Variants in PSG4 observed in about 807,000 individuals in gnomAD.
The protein encoded by PSG4 is pregnancy-specific beta-1-glycoprotein 4.
PSG4 carries 61 observed loss-of-function variants against 44.3 expected under a neutral mutation model. That is an observed-to-expected ratio of 1.38 (90% confidence interval 1.12 to 1.70). PSG4 has a LOEUF of 1.70. PSG4 is among the 40% of genes most tolerant of loss of function. The pLI, the probability that PSG4 is intolerant of heterozygous loss-of-function variation, is 0.00. For missense variants in PSG4, 677 were observed against 511.7 expected, an observed-to-expected ratio of 1.32 and a Z score of -3.12; for synonymous variants, 248 against 191.3, an observed-to-expected ratio of 1.30 and a Z score of -2.45.
In PSG4 at chr19:43,203,940, T is replaced by C. The variant is rs1217538495; in HGVS notation, c.376A>G (p.Lys126Glu). ...ACTCCTCCAGTCCCATCGCGTCGCTTTATGATGTGTAAGGTGTAGGATCCT... is the reference window on the plus strand; with the variant it reads ...ACTCCTCCAGTCCCATCGCGTCGCTCTATGATGTGTAAGGTGTAGGATCCT... ...DAGSYTLHII[K>E]RRDGTGGVTG... The change falls in exon 2 of 6, where the codon AAG (lysine) becomes GAG (glutamate). Residue 126 changes from lysine to glutamate, a missense_variant. Coordinates refer to ENST00000405312, the MANE Select transcript of PSG4 (RefSeq NM_002780.5). 1.3e-6 allele frequency: 2 copies of C among 1,586,620 alleles called. No individual in the cohort carries two copies. The highest frequency in any genetic ancestry group is 8.5e-7 in the Non-Finnish European group (1 of 1,171,314).
rs765482477 is a variant in PSG4, at chr19:43,197,977, G to A, written c.709+20C>T. 2 of 1,587,662 alleles carry A rather than the reference G, an allele frequency of 1.3e-6. No individual in the cohort carries two copies. The highest frequency in any genetic ancestry group is 2.9e-5 in the African/African-American group (2 of 69,580). ...ATTTGGGATGGCAGCCTGGCTCACA[G>A]AGGAACAGAGGATACTCACGGAGGA... is the stretch of plus-strand genomic sequence containing the variant. On this transcript the variant is annotated intron_variant, in intron 3 of 5. Transcript: ENST00000405312.
intron 2 of PSG4, among the ~76,000 whole-genome samples, chr19:43,199,174 C>A (rs1465408175): frequency 6.9e-6 from 1 of 145,826 alleles, no homozygotes; most frequent in Non-Finnish European, 1.5e-5. Flanking sequence ...GGATATTAGA[C>A]CAATATTTGG....
At position 43,197,781 on chromosome 19, in the gene PSG4, A is replaced by C. The variant is rs369139097; in HGVS notation, c.709+216T>G. The C allele has an allele frequency of 3.2e-5, 32 of 988,454 alleles. 1 individual carries two copies. Among genetic ancestry groups the C allele is most frequent in the Middle Eastern group, 3.3e-4 (1 of 3,006 alleles). The allele number at this position is 988,454 out of a possible 1,614,324, so 61.2% of individuals were successfully genotyped here. A position where few individuals can be genotyped will look rare whatever the true frequency, so the allele number is the denominator to read the frequency against. On this transcript the variant is annotated intron_variant, in intron 3 of 5. Transcript: ENST00000405312. ...TGTTTCTCCCATCACAAGCTGTGGA[A>C]CCTGAGTCTCCCATGACAGGAGCAG...
chr19:43,194,700 A>T (rs1037382410), intron 4 of PSG4, 106 bp from the exon 5 acceptor site: 2 of 1,494,254 alleles, frequency 1.3e-6, no homozygotes, highest in Admixed American at 2.2e-5. Flanking sequence ...CACACCTTCA[A>T]GTCCCAGCCA....
intron 3 of PSG4, among the ~76,000 whole-genome samples, chr19:43,196,149 G>A (rs774316740): frequency 1.3e-5 from 2 of 151,852 alleles, no homozygotes; most frequent in Non-Finnish European, 1.5e-5. Flanking sequence ...GGTCCTCATG[G>A]ACCATGTGTG....
Position 43,194,831 on chromosome 19 carries a change from G to T in PSG4, c.988+164C>A, listed in dbSNP as rs530057960. 54 of 1,470,530 alleles carry T rather than the reference G, an allele frequency of 3.7e-5. 1 individual carries two copies. In the African/African-American group the frequency reaches 7.1e-4, roughly 19 times the overall value. 91.1% of individuals were successfully genotyped at this position (1,470,530 alleles called of 1,614,324 possible). On this transcript the variant is annotated intron_variant, in intron 4 of 5. Transcript: ENST00000405312. ...CCCTCCCCTTATATTCTTGGTTAAG[G>T]CTGTGCCTACCTAGGTTTTCCCAGG...
chr19:43,205,208 C>T (rs1263320877), intron 1 of PSG4, among the ~76,000 whole-genome samples: 4 of 134,438 alleles, frequency 3.0e-5, no homozygotes, highest in African/African-American at 1.2e-4. Context: ...CGTGGGTGCA[C>T]GTGATTCTCC....
At chr19:43,199,283 A>T (rs1967399758) in intron 2 of PSG4, among the ~76,000 whole-genome samples, 1 of 144,874 alleles carries the variant, frequency 6.9e-6, no homozygotes, top group Admixed American at 6.9e-5. Context: ...TCCAGAGTGA[A>T]TCAGAGAGTA....
intron 3 of PSG4, chr19:43,197,603 C>G (rs1967306716): frequency 8.1e-6 from 2 of 248,006 alleles, no homozygotes; most frequent in Non-Finnish European, 1.5e-5. Flanking sequence ...CCATCTGGAG[C>G]AAAGAGAATA....
rs1233841486 is a variant in PSG4, at chr19:43,200,593, T to A, written c.431-2318A>T. Among the ~76,000 whole-genome samples, 2 of 137,848 alleles carry A rather than the reference T, an allele frequency of 1.5e-5. 1 individual carries two copies. The highest frequency in any genetic ancestry group is 5.8e-5 in the African/African-American group (2 of 34,516). The allele number at this position is 137,848 out of a possible 152,430, so 90.4% of individuals were successfully genotyped here. A position where few individuals can be genotyped will look rare whatever the true frequency, so the allele number is the denominator to read the frequency against. On this transcript the variant is annotated intron_variant, in intron 2 of 5. Transcript: ENST00000405312. Reference sequence around the variant, plus strand: ...CATTTCTCTAACAGCATTTTTTTTCTGAGACAGAGTCTCGCTCTGTTGCCC... The same window carrying A: ...CATTTCTCTAACAGCATTTTTTTTCAGAGACAGAGTCTCGCTCTGTTGCCC...
intron 1 of PSG4, chr19:43,204,975 C>T: frequency 4.0e-6 from 1 of 251,876 alleles, no homozygotes; most frequent in South Asian, 4.2e-5. Context: ...AAACAGAACA[C>T]TTAAGATTTT....
Position 43,195,126 on chromosome 19 carries a change from A to G in PSG4, c.857T>C (p.Val286Ala), listed in dbSNP as rs2355442. 1,655 of 1,610,522 alleles carry G rather than the reference A, an allele frequency of 1.0e-3. 36 individuals are homozygous for G. In the East Asian group the frequency reaches 0.029, roughly 28 times the overall value. The change falls in exon 4 of 6, where the codon GTA (valine) becomes GCA (alanine). Residue 286 changes from valine to alanine, a missense_variant. By Grantham distance (64) the Val-to-Ala change is moderately conservative. Transcript: ENST00000405312. ...GATCCTGTTTTCAATGGGTCGCTTTACCCTGGGACTGACAGGGAGGCTCTG... is the reference window on the plus strand; with the variant it reads ...GATCCTGTTTTCAATGGGTCGCTTTGCCCTGGGACTGACAGGGAGGCTCTG... The part of the protein sequence containing the change: ...NGQSLPVSPR[V>A]KRPIENRILI...
rs568272213 is a variant in PSG4 at position 43,197,898 on chromosome 19, G to A, written c.709+99C>T. On this transcript the variant is annotated intron_variant, in intron 3 of 5. Coordinates refer to ENST00000405312, the MANE Select transcript of PSG4 (RefSeq NM_002780.5). ...CCAGCTTTGATGTCTAGGGGTAAAG[G>A]TCTCTGTACTTGGACCTGAGAGGGA... is the stretch of plus-strand genomic sequence containing the variant. The A allele has an allele frequency of 2.2e-5, 35 of 1,575,986 alleles. 4 individuals are homozygous for A. Among genetic ancestry groups the A allele is most frequent in the Admixed American group, 3.5e-5 (2 of 57,244 alleles).
rs751466895 is a variant in PSG4 at position 43,202,058 on chromosome 19, C to T, written c.430+1828G>A. Among the ~76,000 whole-genome samples, 36 of 145,426 alleles carry T rather than the reference C, an allele frequency of 2.5e-4. 1 individual carries two copies. The highest frequency in any genetic ancestry group is 3.0e-4 in the Non-Finnish European group (20 of 67,026). ...GGTGATTTCTGCACCTTTCCTATTT[C>T]CTGGGAGGTGGGCCAGGCCACAGTG... On this transcript the variant is annotated intron_variant, in intron 2 of 5. Transcript: ENST00000405312.
Position 43,195,057 on chromosome 19 carries a change from T to G in PSG4, c.926A>C (p.Gln309Pro). ...ACCATATCGGTCCCGTATTTCACAT[T>G]GATAAGGTCCTGTTTCATTTCTCGT... ...NVTRNETGPYQCEIRDRYGGI... is the reference protein window; with the variant it reads ...NVTRNETGPYPCEIRDRYGGI... The change falls in exon 4 of 6, where the codon CAA becomes CCA. Residue 309 changes from glutamine (Q) to proline (P), a missense_variant. Transcript: ENST00000405312. 4 of 1,611,852 alleles carry G rather than the reference T, an allele frequency of 2.5e-6. No individual in the cohort carries two copies. Among genetic ancestry groups the G allele is most frequent in the Non-Finnish European group, 3.4e-6 (4 of 1,179,046 alleles).
Position 43,200,965 on chromosome 19 carries a change from A to G in PSG4, c.431-2690T>C, listed in dbSNP as rs142463424. On this transcript the variant is annotated intron_variant, in intron 2 of 5. Coordinates refer to ENST00000405312, the MANE Select transcript of PSG4 (RefSeq NM_002780.5). The stretch of plus-strand genomic sequence containing the variant: ...TGTTATATGCCTGACAGGAAGCCAG[A>G]AGTCTCTAGGAAGTGACAGGAGAAT... Among the ~76,000 whole-genome samples, 370 of 146,196 alleles carry G rather than the reference A, an allele frequency of 2.5e-3. 29 individuals carry two copies. The highest frequency in any genetic ancestry group is 3.4e-3 in the Middle Eastern group (1 of 290).
chr19:43,204,224 G>T lies in PSG4; in HGVS notation c.92C>A (p.Pro31His), dbSNP rs1205450058. The T allele has an allele frequency of 1.3e-6, 2 of 1,579,942 alleles. No individual in the cohort carries two copies. The highest frequency in any genetic ancestry group is 2.9e-5 in the African/African-American group (2 of 68,794). Reference sequence around the variant, plus strand: ...TTCAATCGTGACTTGGGCAGTTGTGGGCGGATTCCAGAAGTTTAAAAGTGA... The same window carrying T: ...TTCAATCGTGACTTGGGCAGTTGTGTGCGGATTCCAGAAGTTTAAAAGTGA... ...TASLLNFWNPPTTAQVTIEAQ... is the reference protein window; with the variant it reads ...TASLLNFWNPHTTAQVTIEAQ... The change falls in exon 2 of 6, where the codon CCC becomes CAC. Residue 31 changes from proline (P) to histidine (H), a missense_variant. Coordinates refer to ENST00000405312, the MANE Select transcript of PSG4 (RefSeq NM_002780.5).
At chr19:43,195,367 G>A (rs1452554802) in intron 3 of PSG4, 94 bp from the exon 4 acceptor site, 6 of 1,528,110 alleles carry the variant, frequency 3.9e-6, no homozygotes, top group African/African-American at 2.8e-5. Context: ...CCACCTCTCA[G>A]CCCACCCGAG....
rs1967089294 is a variant in PSG4 at position 43,193,302 on chromosome 19, T to G, written c.*70A>C. 1 of 774,230 alleles carries G rather than the reference T, an allele frequency of 1.3e-6. No homozygotes were observed. The highest frequency in any genetic ancestry group is 1.7e-5 in the African/African-American group (1 of 58,762). 48.0% of individuals were successfully genotyped at this position (774,230 alleles called of 1,614,324 possible). A position where few individuals can be genotyped will look rare whatever the true frequency, so the allele number is the denominator to read the frequency against. The stretch of plus-strand genomic sequence containing the variant: ...TTGTCCACCTCCAGCTTATAGGGCT[T>G]CTGGAACAGAGTGGGTCTTGCTCTT... On this transcript the variant is annotated 3_prime_UTR_variant, in exon 6 of 6. Transcript: ENST00000405312.
Sources: allele counts gnomAD v4.1 joint callset (sites outside exome capture counted in the v4.1 genomes callset), GRCh38; gene constraint gnomAD v4.1.1; transcripts MANE v1.5; gene names NCBI Gene and HGNC (gene_info 2026-07-23, HGNC 2026-07-21).